COL19A1: variants seen among roughly 807,000 people sequenced by gnomAD.
COL19A1 encodes the protein collagen alpha-1(XIX) chain.
A neutral mutation model predicts 190.2 loss-of-function variants in COL19A1; 159 were observed. That is an observed-to-expected ratio of 0.84 (90% CI 0.73 to 0.95). COL19A1 has a LOEUF of 0.95. COL19A1 is among the 40% of genes least tolerant of loss of function. The pLI, the probability that COL19A1 is intolerant of heterozygous loss-of-function variation, is 0.00. For missense variants in COL19A1, 1,418 were observed against 1,431.9 expected, an observed-to-expected ratio of 0.99 and a Z score of 0.16; for synonymous variants, 509 against 458.9, an observed-to-expected ratio of 1.11 and a Z score of -1.39.
At chr6:69,912,043 A>G (rs1404303303) in intron 4 of COL19A1, among the ~76,000 whole-genome samples, 9 of 152,186 alleles carry the variant, frequency 5.9e-5, no homozygotes, top group Admixed American at 3.3e-4. Flanking sequence ...CCTAATTCCA[A>G]TGCCAGCGTT....
intron 9 of COL19A1, among the ~76,000 whole-genome samples, chr6:69,955,801 A>G (rs1472155463): frequency 2.0e-5 from 3 of 151,988 alleles, no homozygotes; most frequent in African/African-American, 7.2e-5. Context: ...CATGTATAAG[A>G]CCTATAACTT....
At position 70,161,674 on chromosome 6, in the gene COL19A1, T is replaced by C. The variant is rs565084219; in HGVS notation, c.2293-226T>C. 8.5e-5 allele frequency among the ~76,000 whole-genome samples: 13 copies of C among 152,294 alleles called. No individual in the cohort carries two copies. The South Asian group carries it at 2.5e-3, about 29-fold the overall frequency. Reference sequence around the variant, plus strand: ...ACTAAAATCGCAGACTTCACCATTATACAATTTATCCACATAACCGAAAAT... The same window carrying C: ...ACTAAAATCGCAGACTTCACCATTACACAATTTATCCACATAACCGAAAAT... On this transcript the variant is annotated intron_variant, in intron 34 of 50. Coordinates refer to ENST00000620364, the MANE Select transcript of COL19A1 (RefSeq NM_001858.6).
intron 49 of COL19A1, among the ~76,000 whole-genome samples, chr6:70,206,677 T>TGC (rs1245438026): frequency 6.6e-6 from 1 of 152,090 alleles, no homozygotes. Context: ...TGGAACTTTT[T>TGC]ATAGTAATTG....
chr6:69,987,959 C>T (rs77865179), intron 11 of COL19A1, among the ~76,000 whole-genome samples: 12,710 of 152,150 alleles, frequency 0.084, 604 homozygotes, highest in East Asian at 0.2. Flanking sequence ...CTGAGTACAG[C>T]ATGTAAGAAA....
intron 16 of COL19A1, among the ~76,000 whole-genome samples, chr6:70,121,180 G>A (rs1185827421): frequency 2.0e-5 from 3 of 151,844 alleles, no homozygotes; most frequent in Non-Finnish European, 4.4e-5. Flanking sequence ...GTTTTTTTAT[G>A]GCCCTCACCC....
At chr6:70,130,303 A>C in intron 18 of COL19A1, 80 bp downstream of exon 18, 15 of 1,187,314 alleles carry the variant, frequency 1.3e-5, no homozygotes, top group Non-Finnish European at 1.7e-5. Flanking sequence ...TTGGCTCACT[A>C]TAACCTCCAC....
chr6:70,068,356 A>G (rs1252672710), intron 14 of COL19A1, 67 bp from the exon 15 acceptor site: 1 of 1,023,858 alleles, frequency 9.8e-7, no homozygotes, highest in Non-Finnish European at 1.6e-6. Flanking sequence ...ATTAATTTTC[A>G]CAACATTCTT....
chr6:70,116,485 TA>T (rs1382433433), intron 16 of COL19A1, among the ~76,000 whole-genome samples: 2 of 152,186 alleles, frequency 1.3e-5, no homozygotes, highest in African/African-American at 4.8e-5. Context: ...AACATGTACA[TA>T]AGCCACTATA....
At chr6:69,921,513 T>TATATTCATATATATTCATATATATTC (rs1561998804) in intron 4 of COL19A1, among the ~76,000 whole-genome samples, 1 of 14,692 alleles carries the variant, frequency 6.8e-5, no homozygotes. Context: ...TATATTCATA[T>TATATTCATATATATTCATATATATTC]GTATATTCAT....
chr6:69,902,436 C>A (rs1323428349), intron 4 of COL19A1, among the ~76,000 whole-genome samples: 2 of 152,106 alleles, frequency 1.3e-5, no homozygotes, highest in East Asian at 3.9e-4. Flanking sequence ...ATATTCAATG[C>A]CTTGAGCCTT....
intron 4 of COL19A1, among the ~76,000 whole-genome samples, chr6:69,921,179 C>T (rs1771737810): frequency 7.7e-6 from 1 of 129,080 alleles, no homozygotes; most frequent in Non-Finnish European, 1.5e-5. Context: ...ATACGTATCA[C>T]ATATATTCAT....
At chr6:70,045,602 G>A (rs907627932) in intron 14 of COL19A1, among the ~76,000 whole-genome samples, 1 of 152,138 alleles carries the variant, frequency 6.6e-6, no homozygotes, top group Admixed American at 6.5e-5. Context: ...GCTGAAATCC[G>A]TTTTGTTCTT....
At chr6:70,003,294 G>A (rs1291076989) in intron 11 of COL19A1, among the ~76,000 whole-genome samples, 3 of 152,182 alleles carry the variant, frequency 2.0e-5, no homozygotes, top group African/African-American at 4.8e-5. Context: ...TTCCAATTAT[G>A]TGGTTGATTT....
At chr6:70,156,768 T>G in intron 34 of COL19A1, 45 bp downstream of exon 34, 5 of 1,481,334 alleles carry the variant, frequency 3.4e-6, no homozygotes, top group Non-Finnish European at 4.7e-6. Context: ...ATTGATTCTC[T>G]TTACGTGGCT....
At chr6:70,007,938 A>G (rs1304740964) in intron 11 of COL19A1, among the ~76,000 whole-genome samples, 1 of 151,986 alleles carries the variant, frequency 6.6e-6, no homozygotes, top group Non-Finnish European at 1.5e-5. Flanking sequence ...TAAATCTTCA[A>G]ATGTTTCAAA....
chr6:70,165,733 G>T (rs1765108197), intron 36 of COL19A1, among the ~76,000 whole-genome samples: 1 of 152,160 alleles, frequency 6.6e-6, no homozygotes, highest in African/African-American at 2.4e-5. Flanking sequence ...GTCAGAATGG[G>T]TATGGGAAAA....
chr6:70,150,044 C>A lies in COL19A1; in HGVS notation c.2036C>A (p.Pro679Gln). 1.2e-6 allele frequency: 2 copies of A among 1,613,600 alleles called. No homozygotes were observed. The highest frequency in any genetic ancestry group is 1.7e-6 in the Non-Finnish European group (2 of 1,179,766). Reference protein sequence around the residue: ...KPGLPGPPGDPIALPLLGDIG... With the variant: ...KPGLPGPPGDQIALPLLGDIG... ...GGCCTGCCAGGCCCCCCAGGTGACC[C>A]GGTATGTAGACAAACCTTGTCTGAT... Residue 679 changes from proline (P) to glutamine (Q), a missense_variant and splice_region_variant, in exon 30 of 51, where the codon CCG becomes CAG. Pro to Gln is a moderately conservative substitution (Grantham distance 76). Transcript: ENST00000620364.
chr6:69,945,792 T>A (rs1220394331), intron 9 of COL19A1, among the ~76,000 whole-genome samples: 1 of 152,044 alleles, frequency 6.6e-6, no homozygotes, highest in Non-Finnish European at 1.5e-5. Flanking sequence ...ATTATAATAA[T>A]GGTATTACAT....
intron 11 of COL19A1, among the ~76,000 whole-genome samples, chr6:69,993,778 T>A (rs1267866956): frequency 6.6e-6 from 1 of 152,158 alleles, no homozygotes; most frequent in Non-Finnish European, 1.5e-5. Context: ...GGGATTTTTG[T>A]ATTTCTGTGG....
Sources: allele counts gnomAD v4.1 joint callset (sites outside exome capture counted in the v4.1 genomes callset), GRCh38; gene constraint gnomAD v4.1.1; transcripts MANE v1.5; gene names NCBI Gene and HGNC (gene_info 2026-07-23, HGNC 2026-07-21).